TMX3: variants seen among roughly 807,000 people sequenced by gnomAD.
The protein encoded by TMX3 is protein disulfide-isomerase TMX3.
In TMX3, 40 loss-of-function variants were observed where a neutral mutation model predicts 64.4. The ratio of observed to expected loss-of-function variants is 0.62; its 90% CI spans 0.48 to 0.81. TMX3 has a LOEUF of 0.81. Ranked by LOEUF, TMX3 falls within the 30% of genes least tolerant of loss-of-function variation. TMX3 has a pLI of 0.00. For missense variants in TMX3, 497 were observed against 534.5 expected (o/e 0.93, Z 0.69); for synonymous variants, 189 against 175.7 (o/e 1.08, Z -0.60).
intron 10 of TMX3, chr18:68,687,128 A>T: frequency 1.0e-6 from 1 of 984,326 alleles, no homozygotes; most frequent in Non-Finnish European, 1.2e-6. Context: ...TTTATAAAAC[A>T]CTTTCTCCTA....
At chr18:68,703,451 T>A (rs1414253309) in intron 4 of TMX3, among the ~76,000 whole-genome samples, 3 of 152,200 alleles carry the variant, frequency 2.0e-5, no homozygotes, top group Non-Finnish European at 4.4e-5. Flanking sequence ...GATCCCATGA[T>A]AAGCCTCAGA....
intron 8 of TMX3, among the ~76,000 whole-genome samples, chr18:68,693,564 G>A (rs572094363): frequency 5.3e-4 from 80 of 152,290 alleles, no homozygotes; most frequent in Non-Finnish European, 1.0e-3. Context: ...AGCCGGGTGT[G>A]TGTGTGTGCT....
intron 9 of TMX3, among the ~76,000 whole-genome samples, chr18:68,689,278 G>A (rs1914271839): frequency 6.6e-6 from 1 of 152,028 alleles, no homozygotes; most frequent in Admixed American, 6.6e-5. Flanking sequence ...CTTAAGCGTG[G>A]GAGAATGTAT....
intron 14 of TMX3, 108 bp from the exon 15 acceptor site, chr18:68,679,639 C>A: frequency 1.2e-6 from 1 of 849,634 alleles, no homozygotes; most frequent in Non-Finnish European, 1.8e-6. Context: ...CAAAATATTA[C>A]ATAATCACCT....
chr18:68,709,181 G>C (rs900731083), intron 4 of TMX3, among the ~76,000 whole-genome samples: 7 of 152,110 alleles, frequency 4.6e-5, no homozygotes, highest in African/African-American at 1.7e-4. Flanking sequence ...GGTTTGTTCA[G>C]AAACTTTCTC....
chr18:68,681,191 C>T lies in TMX3; in HGVS notation c.906-81G>A, dbSNP rs1913395734. 7 of 1,202,558 alleles carry T rather than the reference C, an allele frequency of 5.8e-6. No homozygotes were observed. In the South Asian group the frequency reaches 1.4e-4, roughly 24 times the overall value. 74.5% of individuals were successfully genotyped at this position (1,202,558 alleles called of 1,614,324 possible). A position where few individuals can be genotyped will look rare whatever the true frequency, so the allele number is the denominator to read the frequency against. On this transcript the variant is annotated intron_variant, in intron 13 of 15. Transcript: ENST00000299608. ...CTGATATTCATTTATATCTCAGTAG[C>T]CATAATTATAGAAGCTATTTAACAC...
intron 2 of TMX3, 146 bp from the exon 3 acceptor site, chr18:68,711,549 A>T (rs1226000816): frequency 6.2e-6 from 3 of 480,218 alleles, no homozygotes; most frequent in Admixed American, 4.1e-5. Flanking sequence ...TTACTCAGTG[A>T]CCTATCCATT....
At chr18:68,713,798 G>C (rs200118293) in intron 2 of TMX3, 48 bp downstream of exon 2, 3 of 941,656 alleles carry the variant, frequency 3.2e-6, no homozygotes, top group East Asian at 2.9e-5. Context: ...TCAGATATCT[G>C]AGTTGGACAG....
At position 68,687,751 on chromosome 18, in the gene TMX3, C is replaced by G; in HGVS notation, c.652G>C (p.Asp218His). ...TCCCTGTTGATCCATGATGACAGAT[C>G]ACCATCTTCATACTCTTAAAACCAA... The part of the protein sequence containing the change: ...YFVYDEYEDG[D>H]LSSWINRERF... Residue 218 changes from aspartate to histidine, a missense_variant, in exon 10 of 16, where the codon GAT (aspartate) becomes CAT (histidine). Physicochemically the swap from Asp to His is moderately conservative, Grantham distance 81. This residue lies in a region of TMX3 where 360 missense variants were observed against 383.5 expected (regional missense o/e 0.94). Transcript: ENST00000299608. The G allele has an allele frequency of 6.2e-7, 1 of 1,610,694 alleles. No homozygotes were observed. Among genetic ancestry groups the G allele is most frequent in the Non-Finnish European group, 8.5e-7 (1 of 1,178,654 alleles).
At chr18:68,692,247 G>A (rs1178156413) in intron 8 of TMX3, among the ~76,000 whole-genome samples, 4 of 152,176 alleles carry the variant, frequency 2.6e-5, no homozygotes, top group Non-Finnish European at 5.9e-5. Flanking sequence ...ACAGATGCTT[G>A]GGAAGTATTT....
At chr18:68,700,913 T>C in intron 5 of TMX3, 1 of 985,034 alleles carries the variant, frequency 1.0e-6, no homozygotes, top group African/African-American at 1.7e-5. Flanking sequence ...TACTTGATGC[T>C]CCAACATTAC....
At chr18:68,699,177 C>G (rs928829398) in intron 6 of TMX3, among the ~76,000 whole-genome samples, 9 of 152,134 alleles carry the variant, frequency 5.9e-5, no homozygotes, top group Non-Finnish European at 8.8e-5. Context: ...CATCATCACT[C>G]TACCCTAGCC....
chr18:68,698,594 T>C (rs188242596), intron 6 of TMX3, among the ~76,000 whole-genome samples: 29 of 152,288 alleles, frequency 1.9e-4, no homozygotes, highest in Admixed American at 1.6e-3. Context: ...ATGATAGTCA[T>C]AGCACTACAT....
chr18:68,684,397 T>C, intron 11 of TMX3, 31 bp downstream of exon 11: 2 of 1,597,222 alleles, frequency 1.3e-6, no homozygotes, highest in Non-Finnish European at 1.7e-6. Context: ...AATGAACATT[T>C]GAAGCTTAAA....
chr18:68,712,738 T>A (rs2031414362), intron 2 of TMX3, among the ~76,000 whole-genome samples: 1 of 152,090 alleles, frequency 6.6e-6, no homozygotes. Flanking sequence ...TATCTCCTTG[T>A]TAACAATCGT....
At chr18:68,677,330 AG>A (rs1913020522) in intron 15 of TMX3, 137 bp from the exon 16 acceptor site, 2 of 870,980 alleles carry the variant, frequency 2.3e-6, no homozygotes, top group South Asian at 3.6e-5. Context: ...CAATCATTTC[AG>A]CAGTAACTAC....
At chr18:68,693,971 T>C (rs149240998) in intron 8 of TMX3, among the ~76,000 whole-genome samples, 2 of 152,274 alleles carry the variant, frequency 1.3e-5, no homozygotes, top group East Asian at 3.9e-4. Flanking sequence ...AAACACAGAC[T>C]TGTCCGGATG....
At chr18:68,711,455 A>G in intron 2 of TMX3, 52 bp from the exon 3 acceptor site, 7 of 1,305,740 alleles carry the variant, frequency 5.4e-6, no homozygotes, top group Non-Finnish European at 7.6e-6. Flanking sequence ...CCACTTTACA[A>G]CTGTATAGTA....
At chr18:68,714,838 C>T (rs2031776765) in intron 1 of TMX3, 98 bp downstream of exon 1, 1 of 1,482,890 alleles carries the variant, frequency 6.7e-7, no homozygotes, top group African/African-American at 1.4e-5. Flanking sequence ...CTCCACGAAC[C>T]CCGCAGGCCT....
Sources: allele counts gnomAD v4.1 joint callset (sites outside exome capture counted in the v4.1 genomes callset), GRCh38; gene constraint gnomAD v4.1.1; regional missense constraint gnomAD v4.1.1; transcripts MANE v1.5; gene names NCBI Gene and HGNC (gene_info 2026-07-23, HGNC 2026-07-21).